The following DRP2 variants were observed in gnomAD, a reference collection of about 807,000 sequenced individuals.
DRP2 encodes the protein dystrophin-related protein 2.
A neutral mutation model predicts 78.2 loss-of-function variants in DRP2; 29 were observed. That is an observed-to-expected ratio of 0.37 (90% CI 0.28 to 0.51). DRP2 has a LOEUF of 0.51. Ranked by LOEUF, DRP2 falls within the 20% of genes least tolerant of loss-of-function variation. The pLI is 0.94. For missense variants in DRP2, 686 were observed against 770.6 expected (o/e 0.89, Z 1.30); for synonymous variants, 290 against 281.9 (o/e 1.03, Z -0.29).
At chrX:101,241,490 G>T in intron 6 of DRP2, among the ~76,000 whole-genome samples, 178 bp from the exon 7 acceptor site, 1 of 110,881 alleles carries the variant, frequency 9.0e-6, no homozygotes, top group Admixed American at 9.5e-5. Flanking sequence ...AAACGTGACT[G>T]TATTAAAGGG....
At chrX:101,230,448 C>T (rs1190469865) in intron 2 of DRP2, among the ~76,000 whole-genome samples, 1 of 111,406 alleles carries the variant, frequency 9.0e-6, no homozygotes, top group Non-Finnish European at 1.9e-5. Flanking sequence ...ATCGCTTGAA[C>T]CTGGGAGGCA....
intron 13 of DRP2, 25 bp downstream of exon 13, chrX:101,248,315 C>A: frequency 1.7e-6 from 2 of 1,197,612 alleles, no homozygotes; most frequent in Non-Finnish European, 2.3e-6. Flanking sequence ...CTCTGGAAGC[C>A]TCCAGGATAA....
At chrX:101,253,290 C>G (rs1313729668) in intron 17 of DRP2, among the ~76,000 whole-genome samples, 1 of 110,913 alleles carries the variant, frequency 9.0e-6, no homozygotes, top group Non-Finnish European at 1.9e-5. Context: ...TCCATACTTG[C>G]CTTAGCCCAG....
intron 12 of DRP2, among the ~76,000 whole-genome samples, chrX:101,247,543 G>A (rs1052233605): frequency 7.2e-5 from 8 of 111,743 alleles, no homozygotes; most frequent in African/African-American, 2.6e-4. Context: ...CAGTGTGGCT[G>A]AGGATATAAT....
chrX:101,258,831 G>C (rs1036743987), intron 22 of DRP2, among the ~76,000 whole-genome samples: 4 of 111,774 alleles, frequency 3.6e-5, no homozygotes, highest in African/African-American at 1.3e-4. Flanking sequence ...ACTTCTGAGG[G>C]CTTATTTCTT....
chrX:101,237,684 A>G lies in DRP2; in HGVS notation c.347A>G (p.Asp116Gly), dbSNP rs758212351. 1 of 1,176,883 alleles carries G rather than the reference A, an allele frequency of 8.5e-7. No homozygotes were observed. Among genetic ancestry groups the G allele is most frequent in the South Asian group, 2.0e-5 (1 of 49,588 alleles). The part of the protein sequence containing the change: ...KLQLPLQEII[D>G]WLSQKDEELS... The stretch of plus-strand genomic sequence containing the variant: ...CAGCTCCCTCTTCAAGAGATTATTG[A>G]CTGGCTCAGCCAAAAGGATGAGGAG... The change falls in exon 5 of 24, where the codon GAC becomes GGC. Residue 116 changes from aspartate to glycine, a missense_variant. Asp to Gly is a moderately conservative substitution (Grantham distance 94, BLOSUM62 -1). Transcript: ENST00000395209.
intron 3 of DRP2, among the ~76,000 whole-genome samples, chrX:101,233,292 G>C (rs146465653): frequency 0.019 from 2,064 of 111,455 alleles, 45 homozygotes; most frequent in African/African-American, 0.064. Context: ...GTTGTGGCTG[G>C]GTCACAAGGG....
chrX:101,239,492 C>T (rs1922641713), intron 6 of DRP2, among the ~76,000 whole-genome samples: 1 of 112,251 alleles, frequency 8.9e-6, no homozygotes, highest in Non-Finnish European at 1.9e-5. Context: ...TCTGTAATTC[C>T]AGCACTTTGG....
chrX:101,260,618 TTGA>T lies in DRP2; in HGVS notation c.2874_*2del, dbSNP rs756734255. On this transcript the variant is annotated stop_lost and inframe_deletion, in exon 24 of 24. Coordinates refer to ENST00000395209, the MANE Select transcript of DRP2 (RefSeq NM_001939.3). ...TGACTGCCAACACCCTGCTGGCCTC[TTGA>T]TGGAGCCAGATCCCCATCCTATAGT... 1.7e-6 allele frequency: 2 copies of T among 1,208,499 alleles called. No homozygotes were observed. The highest frequency in any genetic ancestry group is 2.2e-6 in the Non-Finnish European group (2 of 894,250).
chrX:101,233,509 G>A (rs1381623875), intron 3 of DRP2, among the ~76,000 whole-genome samples: 4 of 112,094 alleles, frequency 3.6e-5, no homozygotes, highest in Non-Finnish European at 7.5e-5. Context: ...AAACAATGTG[G>A]AACTGTTGGA....
intron 2 of DRP2, among the ~76,000 whole-genome samples, chrX:101,228,861 G>A (rs145505191): frequency 0.018 from 2,023 of 110,689 alleles, 45 homozygotes; most frequent in African/African-American, 0.063. Context: ...CCAAGATCAC[G>A]CCAGTGCACT....
In DRP2 at chrX:101,260,605, C is replaced by T. The variant is rs1923518466; in HGVS notation, c.2858C>T (p.Thr953Ile). 5.0e-6 allele frequency: 6 copies of T among 1,209,646 alleles called. No homozygotes were observed. In the East Asian group the frequency reaches 1.8e-4, roughly 36 times the overall value. ...SVRSSDVTANTLLAS is the reference protein window; with the variant it reads ...SVRSSDVTANILLAS ...CGAAGTTCTGATGTGACTGCCAACA[C>T]CCTGCTGGCCTCTTGATGGAGCCAG... Residue 953 changes from threonine to isoleucine, a missense_variant, in exon 24 of 24, where the codon ACC (threonine) becomes ATC (isoleucine). Physicochemically the swap from Thr to Ile is moderately conservative, Grantham distance 89. This residue lies in a region of DRP2 where 423 missense variants were observed against 531.5 expected (regional missense o/e 0.80). Coordinates refer to ENST00000395209, the MANE Select transcript of DRP2 (RefSeq NM_001939.3).
At chrX:101,241,611 T>A in intron 6 of DRP2, 57 bp from the exon 7 acceptor site, 1 of 1,180,784 alleles carries the variant, frequency 8.5e-7, no homozygotes, top group Non-Finnish European at 1.1e-6. Context: ...TTCTGTCTCT[T>A]TCTTTGAGCT....
intron 2 of DRP2, among the ~76,000 whole-genome samples, chrX:101,227,211 T>C (rs1392077247): frequency 3.1e-4 from 35 of 112,201 alleles, no homozygotes; most frequent in Non-Finnish European, 4.7e-4. Flanking sequence ...GGGACAGATA[T>C]TCAAACCACA....
In DRP2 at chrX:101,224,627, T is replaced by A. The variant is rs917475994; in HGVS notation, c.-143T>A. 2 of 112,322 alleles carry A rather than the reference T, an allele frequency of 1.8e-5. No individual in the cohort carries two copies. Among genetic ancestry groups the A allele is most frequent in the Non-Finnish European group, 3.8e-5 (2 of 53,231 alleles). 9.3% of individuals were successfully genotyped at this position (112,322 alleles called of 1,213,427 possible). ...AGCTACATAATATTCGCCGTGTGAG[T>A]GGCTATCGTAATAGATAACATTTGA... On this transcript the variant is annotated 5_prime_UTR_variant, in exon 2 of 24. Transcript: ENST00000395209.
At chrX:101,259,215 A>G (rs183582378) in intron 22 of DRP2, among the ~76,000 whole-genome samples, 1 of 112,074 alleles carries the variant, frequency 8.9e-6, no homozygotes, top group Non-Finnish European at 1.9e-5. Context: ...GCATTTATGG[A>G]ATTTAGCATG....
Position 101,258,563 on chromosome X carries a change from G to A in DRP2, c.2628+17G>A. The A allele has an allele frequency of 8.6e-7, 1 of 1,159,699 alleles. No individual in the cohort carries two copies. Among genetic ancestry groups the A allele is most frequent in the Non-Finnish European group, 1.2e-6 (1 of 864,266 alleles). ...CTCCTGCAGGTGAGGATGGAGACAGGAAAAGAGCCAGGGTGGCCTCTGAGC... is the reference window on the plus strand; with the variant it reads ...CTCCTGCAGGTGAGGATGGAGACAGAAAAAGAGCCAGGGTGGCCTCTGAGC... On this transcript the variant is annotated intron_variant, in intron 22 of 23. Transcript: ENST00000395209.
chrX:101,253,241 C>T (rs1034378522), intron 17 of DRP2, among the ~76,000 whole-genome samples: 3 of 110,971 alleles, frequency 2.7e-5, no homozygotes, highest in Non-Finnish European at 1.9e-5. Context: ...TTTACCTGGA[C>T]CCCCAAACTC....
At chrX:101,247,642 A>G (rs1054535015) in intron 12 of DRP2, among the ~76,000 whole-genome samples, 3 of 111,726 alleles carry the variant, frequency 2.7e-5, no homozygotes, top group African/African-American at 9.8e-5. Flanking sequence ...TTTGGGGGTA[A>G]TTAAGATGTC....
Sources: allele counts gnomAD v4.1 joint callset (sites outside exome capture counted in the v4.1 genomes callset), GRCh38; gene constraint gnomAD v4.1.1; regional missense constraint gnomAD v4.1.1; transcripts MANE v1.5; gene names NCBI Gene and HGNC (gene_info 2026-07-23, HGNC 2026-07-21).